The following TBC1D22A variants were observed in gnomAD, a reference collection of about 807,000 sequenced individuals.
TBC1D22A encodes the protein putative GTPase activator.
In TBC1D22A, 38 loss-of-function variants were observed where a neutral mutation model predicts 60.2. The observed-to-expected ratio is 0.63, with a 90% CI of 0.49 to 0.83. The LOEUF is 0.83. TBC1D22A is among the 40% of genes least tolerant of loss of function. The pLI is 0.00. For missense variants in TBC1D22A, 628 were observed against 701.0 expected, an observed-to-expected ratio of 0.90 and a Z score of 1.18; for synonymous variants, 302 against 281.7, an observed-to-expected ratio of 1.07 and a Z score of -0.72.
chr22:47,007,413 C>T (rs1284573122), intron 10 of TBC1D22A, among the ~76,000 whole-genome samples: 1 of 152,222 alleles, frequency 6.6e-6, no homozygotes, highest in Non-Finnish European at 1.5e-5. Context: ...GCTACAGGTG[C>T]ATTGTAAGAG....
chr22:46,919,731 C>CT lies in TBC1D22A; in HGVS notation c.1015+7557dup, dbSNP rs57252183. Among the ~76,000 whole-genome samples, 96 of 136,850 alleles carry CT rather than the reference C, an allele frequency of 7.0e-4. 5 individuals are homozygous for CT. The highest frequency in any genetic ancestry group is 9.4e-4 in the Admixed American group (13 of 13,784). 89.8% of individuals were successfully genotyped at this position (136,850 alleles called of 152,430 possible). A position where few individuals can be genotyped will look rare whatever the true frequency, so the allele number is the denominator to read the frequency against. ...TCAACACTTGTCATCATCTTTCACT[C>CT]TTTTTTTTTTTTTTGTAGACTTTAC... is the stretch of plus-strand genomic sequence containing the variant. On this transcript the variant is annotated intron_variant, in intron 8 of 12. Transcript: ENST00000337137.
At position 46,768,423 on chromosome 22, in the gene TBC1D22A, T is replaced by A. The variant is rs563740538; in HGVS notation, c.62+5575T>A. 9.8e-5 allele frequency among the ~76,000 whole-genome samples: 14 copies of A among 143,004 alleles called. No individual in the cohort carries two copies. In the East Asian group the frequency reaches 2.3e-3, roughly 23 times the overall value. 93.8% of individuals were successfully genotyped at this position (143,004 alleles called of 152,430 possible). On this transcript the variant is annotated intron_variant, in intron 1 of 12. Coordinates refer to ENST00000337137, the MANE Select transcript of TBC1D22A (RefSeq NM_014346.5). ...TCGCTTGAACACAGGAGGCAGAGGT[T>A]GCAGTGAGCCAAGGTCGCGCCACCG...
intron 12 of TBC1D22A, among the ~76,000 whole-genome samples, chr22:47,157,292 A>G (rs1308446775): frequency 6.6e-6 from 1 of 152,164 alleles, no homozygotes; most frequent in Non-Finnish European, 1.5e-5. Context: ...TGTGGGACAG[A>G]GCTGCACTAT....
At chr22:46,908,504 T>C (rs778617243) in intron 7 of TBC1D22A, among the ~76,000 whole-genome samples, 8 of 152,198 alleles carry the variant, frequency 5.3e-5, no homozygotes, top group Admixed American at 2.0e-4. Flanking sequence ...TTTATTTACA[T>C]GTCAGTTGGA....
intron 5 of TBC1D22A, among the ~76,000 whole-genome samples, chr22:46,889,694 C>T (rs567691975): frequency 4.9e-4 from 75 of 152,260 alleles, no homozygotes; most frequent in Admixed American, 3.0e-3. Flanking sequence ...AACTTGGATC[C>T]GTCTGGGAAG....
At chr22:46,931,048 C>T (rs895135162) in intron 8 of TBC1D22A, among the ~76,000 whole-genome samples, 4 of 152,222 alleles carry the variant, frequency 2.6e-5, no homozygotes, top group Non-Finnish European at 4.4e-5. Flanking sequence ...TTCCAGAGTT[C>T]TAGTCCCTCC....
chr22:46,862,636 G>A (rs2087963376), intron 4 of TBC1D22A, among the ~76,000 whole-genome samples: 1 of 152,188 alleles, frequency 6.6e-6, no homozygotes, highest in African/African-American at 2.4e-5. Context: ...AGGGTAGGAG[G>A]GCTGCAAGCT....
At chr22:47,065,162 A>T (rs1160982166) in intron 11 of TBC1D22A, among the ~76,000 whole-genome samples, 1 of 151,938 alleles carries the variant, frequency 6.6e-6, no homozygotes, top group African/African-American at 2.4e-5. Flanking sequence ...CGCCCGGCTA[A>T]TTTTTTTGTA....
At chr22:46,846,992 G>A (rs1217481565) in intron 4 of TBC1D22A, among the ~76,000 whole-genome samples, 4 of 152,210 alleles carry the variant, frequency 2.6e-5, no homozygotes, top group African/African-American at 9.6e-5. Flanking sequence ...GTCCCCTTCT[G>A]TGGAATCTCG....
At chr22:47,015,026 A>G (rs907370144) in intron 10 of TBC1D22A, among the ~76,000 whole-genome samples, 1 of 152,124 alleles carries the variant, frequency 6.6e-6, no homozygotes, top group Non-Finnish European at 1.5e-5. Flanking sequence ...AGGAATTTGG[A>G]CCCATAGGTT....
In TBC1D22A at chr22:47,009,101, T is replaced by C. The variant is rs1263492182; in HGVS notation, c.1201+11392T>C. Among the ~76,000 whole-genome samples, 1 of 152,238 alleles carries C rather than the reference T, an allele frequency of 6.6e-6. No homozygotes were observed. Among genetic ancestry groups the C allele is most frequent in the East Asian group, 1.9e-4 (1 of 5,192 alleles). Reference sequence around the variant, plus strand: ...TTGACTTTCTGGCTGTGTTGTATACTGGAGGATTGGCTTTGTGAGGAATGT... The same window carrying C: ...TTGACTTTCTGGCTGTGTTGTATACCGGAGGATTGGCTTTGTGAGGAATGT... On this transcript the variant is annotated intron_variant, in intron 10 of 12. Transcript: ENST00000337137. The surrounding 1 kb of genome is among the most constrained non-coding windows in gnomAD (Gnocchi z 5.8).
intron 12 of TBC1D22A, among the ~76,000 whole-genome samples, chr22:47,168,215 A>G (rs1483460387): frequency 7.2e-6 from 1 of 139,786 alleles, no homozygotes; most frequent in African/African-American, 2.7e-5. Flanking sequence ...GCTGGGGAGA[A>G]CTCACTGCCC....
chr22:46,940,558 G>A (rs1288475418), intron 8 of TBC1D22A, among the ~76,000 whole-genome samples: 2 of 137,480 alleles, frequency 1.5e-5, no homozygotes, highest in African/African-American at 5.6e-5. Flanking sequence ...GTATGTGTAT[G>A]TATACACACA....
intron 4 of TBC1D22A, among the ~76,000 whole-genome samples, chr22:46,846,417 A>G (rs1188640286): frequency 6.6e-6 from 1 of 152,096 alleles, no homozygotes; most frequent in Non-Finnish European, 1.5e-5. Context: ...GAGACAGTTC[A>G]CTGTGGGCTG....
intron 4 of TBC1D22A, among the ~76,000 whole-genome samples, chr22:46,803,196 C>T (rs2084973301): frequency 6.6e-6 from 1 of 152,208 alleles, no homozygotes; most frequent in East Asian, 1.9e-4. Context: ...CCTGCGTGCC[C>T]CAGATTGCTG....
intron 11 of TBC1D22A, among the ~76,000 whole-genome samples, chr22:47,061,215 C>T (rs529205020): frequency 1.8e-4 from 28 of 151,844 alleles, no homozygotes; most frequent in African/African-American, 6.8e-4. Context: ...GCCCTCACCA[C>T]GGTCCTGGAA....
At chr22:46,884,140 A>T (rs1167086014) in intron 5 of TBC1D22A, among the ~76,000 whole-genome samples, 1 of 152,040 alleles carries the variant, frequency 6.6e-6, no homozygotes, top group African/African-American at 2.4e-5. Flanking sequence ...CAATACACCG[A>T]GAAGTAGATT....
At chr22:47,143,914 C>G (rs896193803) in intron 12 of TBC1D22A, among the ~76,000 whole-genome samples, 2 of 152,232 alleles carry the variant, frequency 1.3e-5, no homozygotes, top group Admixed American at 1.3e-4. Flanking sequence ...TGTGCACTTA[C>G]GGCAGGCCCG....
chr22:46,795,947 G>A (rs950377218), intron 3 of TBC1D22A, among the ~76,000 whole-genome samples: 5 of 152,212 alleles, frequency 3.3e-5, no homozygotes, highest in Admixed American at 1.3e-4. Context: ...GAAGGAGGGA[G>A]AGGGGGCACT....
Sources: gnomAD v4.1 joint callset for allele counts (sites outside exome capture counted in the v4.1 genomes callset) on GRCh38, gnomAD v4.1.1 for gene constraint, Gnocchi (gnomAD v3.1) non-coding constraint, MANE v1.5 for transcripts, NCBI Gene and HGNC (gene_info 2026-07-23, HGNC 2026-07-21) for gene names.